Variants in FMN2 observed in about 807,000 individuals in gnomAD.
The protein encoded by FMN2 is formin-2.
FMN2 carries 51 observed loss-of-function variants against 142.3 expected under a neutral mutation model. The ratio of observed to expected loss-of-function variants is 0.36; its 90% CI spans 0.29 to 0.45. The LOEUF (loss-of-function observed/expected upper bound fraction) is 0.45, where lower values mean the gene tolerates loss of function less well. Ranked by LOEUF, FMN2 falls within the 20% of genes least tolerant of loss-of-function variation. FMN2 has a pLI of 1.00. For synonymous variants in FMN2, 882 were observed against 869.8 expected (o/e 1.01, Z -0.25); for missense variants, 1,936 against 2,122.8 (o/e 0.91, Z 1.73).
intron 2 of FMN2, 54 bp downstream of exon 2, chr1:240,123,399 A>T: frequency 6.4e-7 from 1 of 1,566,150 alleles, no homozygotes; most frequent in Non-Finnish European, 8.7e-7. Context: ...TGGAAATAGC[A>T]GCTACGATGT....
At chr1:240,166,396 A>C (rs1000769813) in intron 2 of FMN2, among the ~76,000 whole-genome samples, 5 of 151,950 alleles carry the variant, frequency 3.3e-5, no homozygotes, top group African/African-American at 1.2e-4. Flanking sequence ...AGCCCAGCTA[A>C]TTTTTGTATT....
At chr1:240,293,315 T>G (rs1438407334) in intron 7 of FMN2, among the ~76,000 whole-genome samples, 1 of 152,142 alleles carries the variant, frequency 6.6e-6, no homozygotes, top group Non-Finnish European at 1.5e-5. Context: ...GACACCAAGT[T>G]GACCCCTTGC....
At chr1:240,102,570 A>AT (rs1310097738) in intron 1 of FMN2, among the ~76,000 whole-genome samples, 1 of 152,154 alleles carries the variant, frequency 6.6e-6, no homozygotes, top group African/African-American at 2.4e-5. Context: ...GCTAACCAAA[A>AT]TGTTCTTCTA....
In FMN2 at chr1:240,206,850, G is replaced by A; in HGVS notation, c.2038G>A (p.Glu680Lys). The A allele has an allele frequency of 6.2e-7, 1 of 1,614,114 alleles. No individual in the cohort carries two copies. The change falls in exon 5 of 18, where the codon GAA becomes AAA. Residue 680 changes from glutamate (E) to lysine (K), a missense_variant. By Grantham distance (56) the Glu-to-Lys change is moderately conservative. Transcript: ENST00000319653. The stretch of plus-strand genomic sequence containing the variant: ...ACAGGCCACTGTAATTCAGCAGCTG[G>A]AACAGACTATTGAGGATCTGAGAAC... ...EGQATVIQQL[E>K]QTIEDLRTKI...
In FMN2 at chr1:240,328,999, A is replaced by T. The variant is rs900594868; in HGVS notation, c.4216-77A>T. 49 of 1,276,444 alleles carry T rather than the reference A, an allele frequency of 3.8e-5. No homozygotes were observed. The South Asian group carries it at 6.0e-4, about 16-fold the overall frequency. The allele number at this position is 1,276,444 out of a possible 1,614,324, so 79.1% of individuals were successfully genotyped here. A position where few individuals can be genotyped will look rare whatever the true frequency, so the allele number is the denominator to read the frequency against. On this transcript the variant is annotated intron_variant, in intron 8 of 17. Transcript: ENST00000319653. ...TCGCTGTATTCAGATCAGCAAATTT[A>T]TCAAGATAATTAGATTATTATCTAA...
chr1:240,206,091 A>T (rs1277848572), intron 4 of FMN2, among the ~76,000 whole-genome samples: 1 of 151,462 alleles, frequency 6.6e-6, no homozygotes, highest in Non-Finnish European at 1.5e-5. Context: ...TTTAGGAGAG[A>T]TGCAGTCTTG....
At chr1:240,145,839 T>C (rs1021531646) in intron 2 of FMN2, among the ~76,000 whole-genome samples, 1 of 152,002 alleles carries the variant, frequency 6.6e-6, no homozygotes, top group Non-Finnish European at 1.5e-5. Context: ...TCAAAATAGA[T>C]GGCAGCCAAA....
At chr1:240,315,779 T>C (rs1379807325) in intron 8 of FMN2, among the ~76,000 whole-genome samples, 3 of 152,196 alleles carry the variant, frequency 2.0e-5, no homozygotes, top group Non-Finnish European at 2.9e-5. Flanking sequence ...GACCATAAAA[T>C]GTAGATCTCT....
At chr1:240,410,077 A>T in intron 15 of FMN2, among the ~76,000 whole-genome samples, 1 of 152,200 alleles carries the variant, frequency 6.6e-6, no homozygotes, top group East Asian at 1.9e-4. Context: ...ATGCAAAATA[A>T]ATTTAGTGAA....
chr1:240,217,158 T>C (rs1385209470), intron 6 of FMN2, among the ~76,000 whole-genome samples: 1 of 152,214 alleles, frequency 6.6e-6, no homozygotes, highest in Non-Finnish European at 1.5e-5. Flanking sequence ...CACTGTATTA[T>C]TGGCTGCTAT....
intron 16 of FMN2, among the ~76,000 whole-genome samples, chr1:240,438,859 C>T (rs952773384): frequency 1.3e-5 from 2 of 152,140 alleles, no homozygotes; most frequent in African/African-American, 2.4e-5. Flanking sequence ...CAAATAGCTG[C>T]GTCTAGTGGG....
At chr1:240,126,229 A>G (rs1662497718) in intron 2 of FMN2, among the ~76,000 whole-genome samples, 1 of 152,128 alleles carries the variant, frequency 6.6e-6, no homozygotes, top group South Asian at 2.1e-4. Flanking sequence ...GAAATTTTCG[A>G]TAATTAGTAT....
chr1:240,208,876 C>A (rs532274880), intron 5 of FMN2, 144 bp downstream of exon 5: 3 of 1,046,888 alleles, frequency 2.9e-6, no homozygotes, highest in South Asian at 1.8e-5. Flanking sequence ...ATATATAGTG[C>A]AGCAGTTTGC....
intron 2 of FMN2, among the ~76,000 whole-genome samples, chr1:240,161,491 C>A (rs1351454015): frequency 6.6e-6 from 1 of 151,788 alleles, no homozygotes; most frequent in Non-Finnish European, 1.5e-5. Flanking sequence ...CGACATTGTG[C>A]CACTGCACTC....
At chr1:240,217,009 A>G (rs555151778) in intron 6 of FMN2, among the ~76,000 whole-genome samples, 1 of 152,336 alleles carries the variant, frequency 6.6e-6, no homozygotes, top group South Asian at 2.1e-4. Context: ...TTCATCATTC[A>G]GCTGCTCTTA....
At chr1:240,295,223 C>CTT (rs1386393226) in intron 8 of FMN2, among the ~76,000 whole-genome samples, 1 of 147,302 alleles carries the variant, frequency 6.8e-6, no homozygotes, top group Non-Finnish European at 1.5e-5. Context: ...CACACACACA[C>CTT]ACTCACACAC....
intron 4 of FMN2, among the ~76,000 whole-genome samples, chr1:240,188,949 T>G (rs1665591529): frequency 6.6e-6 from 1 of 152,040 alleles, no homozygotes; most frequent in Non-Finnish European, 1.5e-5. Flanking sequence ...TTAGATCTCG[T>G]GAGACCCATT....
chr1:240,113,022 A>G (rs1435543919), intron 1 of FMN2, among the ~76,000 whole-genome samples: 3 of 152,238 alleles, frequency 2.0e-5, no homozygotes, highest in African/African-American at 7.2e-5. Flanking sequence ...GCAAATATGA[A>G]GTAAAATGCA....
intron 8 of FMN2, among the ~76,000 whole-genome samples, chr1:240,322,856 A>G (rs1671021147): frequency 6.6e-6 from 1 of 152,090 alleles, no homozygotes; most frequent in South Asian, 2.1e-4. Context: ...GTTGCCATTT[A>G]TCCTTTGCAA....
Sources: gnomAD v4.1 joint callset for allele counts (sites outside exome capture counted in the v4.1 genomes callset) on GRCh38, gnomAD v4.1.1 for gene constraint, MANE v1.5 for transcripts, NCBI Gene and HGNC (gene_info 2026-07-23, HGNC 2026-07-21) for gene names.